CDH6: variants seen among roughly 807,000 people sequenced by gnomAD.
CDH6 encodes cadherin-6.
Under a neutral mutation model 78.0 loss-of-function variants are expected in CDH6, and 31 were observed. The observed-to-expected ratio is 0.40, with a 90% CI of 0.30 to 0.54. The LOEUF (loss-of-function observed/expected upper bound fraction) is 0.54, where lower values mean the gene tolerates loss of function less well. Among genes scored for constraint, CDH6 ranks in the 20% least tolerant of loss-of-function variants. The probability of loss-of-function intolerance (pLI) is 0.56; values close to 1 mark genes in which losing one functional copy is unlikely to be tolerated. For missense variants in CDH6, 724 were observed against 975.9 expected (o/e 0.74, Z 3.44); for synonymous variants, 376 against 368.8 (o/e 1.02, Z -0.23).
chr5:31,302,604 T>C (rs1737797837), intron 6 of CDH6, among the ~76,000 whole-genome samples: 1 of 149,306 alleles, frequency 6.7e-6, no homozygotes, highest in African/African-American at 2.5e-5. Context: ...TCCCAGCTAC[T>C]CTGGAGACTG....
At chr5:31,270,661 A>G (rs546223862) in intron 2 of CDH6, among the ~76,000 whole-genome samples, 2 of 151,344 alleles carry the variant, frequency 1.3e-5, no homozygotes, top group Admixed American at 6.6e-5. Flanking sequence ...CGTGCTGCTT[A>G]TTTCCCTCCT....
In CDH6 at chr5:31,302,890, A is replaced by AAG. The variant is rs1438634851; in HGVS notation, c.999+592_999+593insAG. ...AGAAAGGAGGGAAGGAAGGAAGGAA[A>AAG]GAAAGAAAGAAAAAAAGAAAGAAAG... On this transcript the variant is annotated intron_variant, in intron 6 of 11. Coordinates refer to ENST00000265071, the MANE Select transcript of CDH6 (RefSeq NM_004932.4). 5.2e-3 allele frequency among the ~76,000 whole-genome samples: 716 copies of AAG among 137,526 alleles called. 15 individuals carry two copies. The highest frequency in any genetic ancestry group is 5.6e-3 in the Non-Finnish European group (359 of 64,188). The allele number at this position is 137,526 out of a possible 152,430, so 90.2% of individuals were successfully genotyped here. A position where few individuals can be genotyped will look rare whatever the true frequency, so the allele number is the denominator to read the frequency against.
rs373570361 is a variant in CDH6 at position 31,220,637 on chromosome 5, G to A, written c.-129+26751G>A. Among the ~76,000 whole-genome samples, 4 of 152,282 alleles carry A rather than the reference G, an allele frequency of 2.6e-5. No homozygotes were observed. In the East Asian group the frequency reaches 5.8e-4, roughly 22 times the overall value. ...GGTAAACAAATAAGTCAATACATAT[G>A]TACATAAAAACTATAATGCGTGCTA... On this transcript the variant is annotated intron_variant, in intron 1 of 11. Coordinates refer to ENST00000265071, the MANE Select transcript of CDH6 (RefSeq NM_004932.4).
rs916388659 is a variant in CDH6, at chr5:31,323,386, G to T, written c.*78G>T. ...TTTCTTTATATTTATCCACTACTCCGTGAAGGCTTCTCTGTTCTACCCGTT... is the reference window on the plus strand; with the variant it reads ...TTTCTTTATATTTATCCACTACTCCTTGAAGGCTTCTCTGTTCTACCCGTT... On this transcript the variant is annotated 3_prime_UTR_variant, in exon 12 of 12. Transcript: ENST00000265071. 1 of 1,476,582 alleles carries T rather than the reference G, an allele frequency of 6.8e-7. No homozygotes were observed. The highest frequency in any genetic ancestry group is 9.2e-7 in the Non-Finnish European group (1 of 1,088,390). The allele number at this position is 1,476,582 out of a possible 1,614,324, so 91.5% of individuals were successfully genotyped here.
intron 1 of CDH6, among the ~76,000 whole-genome samples, chr5:31,214,297 ACAT>A (rs1163759297): frequency 6.6e-6 from 1 of 152,152 alleles, no homozygotes; most frequent in Admixed American, 6.6e-5. Flanking sequence ...CCATTTTTCT[ACAT>A]CCTAAGGGGA....
chr5:31,224,607 C>T (rs1741097117), intron 1 of CDH6, among the ~76,000 whole-genome samples: 3 of 152,142 alleles, frequency 2.0e-5, no homozygotes, highest in Admixed American at 2.0e-4. Context: ...GGCTGGAGCA[C>T]AGTGGCCCAA....
chr5:31,199,700 T>TATATATAG (rs1283507436), intron 1 of CDH6, among the ~76,000 whole-genome samples: 1 of 132,134 alleles, frequency 7.6e-6, no homozygotes, highest in East Asian at 2.2e-4. Context: ...TATATATATA[T>TATATATAG]ATATATATAT....
chr5:31,252,344 T>TGTGTGTGTGTGC (rs755276733), intron 1 of CDH6, among the ~76,000 whole-genome samples: 5 of 151,982 alleles, frequency 3.3e-5, no homozygotes, highest in Non-Finnish European at 5.9e-5. Flanking sequence ...TGTGTGTGTG[T>TGTGTGTGTGTGC]GTGTGTGTAT....
At chr5:31,197,614 TA>T (rs1338157536) in intron 1 of CDH6, among the ~76,000 whole-genome samples, 22 of 152,238 alleles carry the variant, frequency 1.4e-4, no homozygotes, top group Middle Eastern at 3.4e-3. Context: ...TCAAGAACAT[TA>T]TGGTAATAGG....
At chr5:31,254,071 C>T (rs1741985076) in intron 1 of CDH6, among the ~76,000 whole-genome samples, 1 of 152,022 alleles carries the variant, frequency 6.6e-6, no homozygotes, top group Admixed American at 6.6e-5. Flanking sequence ...GAAATCTTGC[C>T]CCCTCCCACA....
chr5:31,305,896 T>G (rs929766836), intron 7 of CDH6, among the ~76,000 whole-genome samples: 1 of 152,192 alleles, frequency 6.6e-6, no homozygotes, highest in African/African-American at 2.4e-5. Context: ...TGAATCCACA[T>G]TTGCAGAACC....
At chr5:31,199,718 T>TAC (rs1177055995) in intron 1 of CDH6, among the ~76,000 whole-genome samples, 1 of 78,330 alleles carries the variant, frequency 1.3e-5, no homozygotes, top group East Asian at 3.8e-4. Flanking sequence ...TATATATATC[T>TAC]CAAAGATAAA....
chr5:31,205,642 A>AT (rs1195687804), intron 1 of CDH6, among the ~76,000 whole-genome samples: 1 of 151,172 alleles, frequency 6.6e-6, no homozygotes, highest in Non-Finnish European at 1.5e-5. Flanking sequence ...CCTTGCCAAG[A>AT]TTTTTTTTCT....
intron 2 of CDH6, among the ~76,000 whole-genome samples, chr5:31,275,759 C>T (rs975417333): frequency 3.3e-5 from 5 of 152,154 alleles, no homozygotes; most frequent in African/African-American, 1.2e-4. Context: ...TCCTGACATA[C>T]TGTAATCAAG....
intron 1 of CDH6, among the ~76,000 whole-genome samples, chr5:31,259,186 C>A (rs1026963370): frequency 6.6e-6 from 1 of 152,108 alleles, no homozygotes; most frequent in East Asian, 1.9e-4. Context: ...TGATAAAAGA[C>A]GTACATATAT....
chr5:31,288,228 G>A (rs901310425), intron 2 of CDH6, among the ~76,000 whole-genome samples: 2 of 152,204 alleles, frequency 1.3e-5, no homozygotes, highest in African/African-American at 2.4e-5. Context: ...CTGACCCACA[G>A]CTGGGAACCT....
intron 2 of CDH6, among the ~76,000 whole-genome samples, chr5:31,285,557 T>A (rs534755692): frequency 1.4e-4 from 21 of 152,350 alleles, no homozygotes; most frequent in African/African-American, 5.0e-4. Context: ...ATTCATTGCT[T>A]TATGCAACTG....
intron 2 of CDH6, among the ~76,000 whole-genome samples, chr5:31,273,727 A>C (rs1742599663): frequency 7.2e-6 from 1 of 138,336 alleles, no homozygotes; most frequent in South Asian, 2.4e-4. Context: ...TGAAACCCAA[A>C]GGTAGAGAAA....
At chr5:31,274,794 C>T (rs1274165584) in intron 2 of CDH6, among the ~76,000 whole-genome samples, 2 of 152,216 alleles carry the variant, frequency 1.3e-5, no homozygotes, top group Non-Finnish European at 2.9e-5. Context: ...CACTCCCAGC[C>T]TGGGCAAGAG....
Sources: allele counts gnomAD v4.1 joint callset (sites outside exome capture counted in the v4.1 genomes callset), GRCh38; gene constraint gnomAD v4.1.1; transcripts MANE v1.5; gene names NCBI Gene and HGNC (gene_info 2026-07-23, HGNC 2026-07-21).